Variants in EPB41L4A observed in about 807,000 individuals in gnomAD.
EPB41L4A encodes erythrocyte membrane protein band 4.1 like 4A.
EPB41L4A carries 100 observed loss-of-function variants against 108.6 expected under a neutral mutation model. The observed-to-expected ratio is 0.92, with a 90% CI of 0.78 to 1.09. The LOEUF is 1.09. EPB41L4A is among the 50% of genes least tolerant of loss of function. EPB41L4A has a pLI of 0.00. For missense variants in EPB41L4A, 1,030 were observed against 842.7 expected (o/e 1.22, Z -2.75); for synonymous variants, 319 against 289.0 (o/e 1.10, Z -1.05).
chr5:112,399,550 C>T (rs887022116), intron 1 of EPB41L4A, among the ~76,000 whole-genome samples: 3 of 151,994 alleles, frequency 2.0e-5, no homozygotes, highest in Admixed American at 2.0e-4. Flanking sequence ...ATCTTTTTTT[C>T]TCTACTCCAC....
At chr5:112,267,148 G>A (rs1751921419) in intron 4 of EPB41L4A, among the ~76,000 whole-genome samples, 2 of 152,036 alleles carry the variant, frequency 1.3e-5, no homozygotes, top group Non-Finnish European at 1.5e-5. Context: ...ACTGAGAGGG[G>A]CCAGAGGTTT....
At chr5:112,379,757 G>A (rs966083949) in intron 1 of EPB41L4A, among the ~76,000 whole-genome samples, 6 of 152,140 alleles carry the variant, frequency 3.9e-5, no homozygotes, top group South Asian at 2.1e-4. Context: ...TTACCCGAAG[G>A]CACAATACAT....
intron 17 of EPB41L4A, 75 bp downstream of exon 17, chr5:112,194,493 A>C (rs1761862508): frequency 1.2e-6 from 1 of 816,990 alleles, no homozygotes; most frequent in Non-Finnish European, 1.9e-6. Flanking sequence ...AGACTTACAA[A>C]GGACACTCAG....
chr5:112,296,096 T>TG (rs1279704813), intron 2 of EPB41L4A, among the ~76,000 whole-genome samples: 32 of 152,198 alleles, frequency 2.1e-4, no homozygotes, highest in Admixed American at 2.1e-3. Context: ...AGTTTTATGT[T>TG]GGAGACTTTC....
rs113558417 is a variant in EPB41L4A at position 112,392,004 on chromosome 5, G to A, written c.99+26937C>T. On this transcript the variant is annotated intron_variant, in intron 1 of 22. Coordinates refer to ENST00000261486, the MANE Select transcript of EPB41L4A (RefSeq NM_022140.5). ...TTCATAAGTGATAGAGAAATAAATC[G>A]TTTACAGACAAGCAAATGCTGAGAG... Among the ~76,000 whole-genome samples, 798 of 152,040 alleles carry A rather than the reference G, an allele frequency of 5.2e-3. 3 individuals carry two copies. The highest frequency in any genetic ancestry group is 0.018 in the African/African-American group (737 of 41,444).
At chr5:112,171,524 T>C (rs992614525) in intron 18 of EPB41L4A, among the ~76,000 whole-genome samples, 1 of 152,272 alleles carries the variant, frequency 6.6e-6, no homozygotes, top group Non-Finnish European at 1.5e-5. Context: ...GGCCAGCAAA[T>C]GCTAGGACTA....
intron 18 of EPB41L4A, among the ~76,000 whole-genome samples, chr5:112,171,887 A>G (rs1486492663): frequency 6.6e-6 from 1 of 152,196 alleles, no homozygotes; most frequent in African/African-American, 2.4e-5. Flanking sequence ...GATCCTATGG[A>G]ATTGTATGTG....
chr5:112,365,777 C>T (rs1419195599), intron 1 of EPB41L4A, among the ~76,000 whole-genome samples: 1 of 152,144 alleles, frequency 6.6e-6, no homozygotes, highest in Non-Finnish European at 1.5e-5. Flanking sequence ...TTACACTTCC[C>T]TTGAGTTTGA....
chr5:112,280,506 T>C (rs1396614844), intron 2 of EPB41L4A, among the ~76,000 whole-genome samples, 183 bp from the exon 3 acceptor site: 77 of 151,864 alleles, frequency 5.1e-4, no homozygotes, highest in Admixed American at 4.9e-3. Context: ...AAAGAAAAAA[T>C]AGGCCAGGCA....
At chr5:112,171,735 T>G (rs1358958014) in intron 18 of EPB41L4A, among the ~76,000 whole-genome samples, 1 of 152,260 alleles carries the variant, frequency 6.6e-6, no homozygotes, top group Non-Finnish European at 1.5e-5. Context: ...TAGCAATGAA[T>G]GCAGTGAAAT....
At chr5:112,197,949 C>A (rs1032949932) in intron 15 of EPB41L4A, among the ~76,000 whole-genome samples, 2 of 152,188 alleles carry the variant, frequency 1.3e-5, no homozygotes, top group Non-Finnish European at 2.9e-5. Flanking sequence ...GGCATAGACT[C>A]CTAAACTGAA....
intron 22 of EPB41L4A, among the ~76,000 whole-genome samples, chr5:112,167,335 AC>A (rs1355225154): frequency 2.0e-5 from 3 of 152,210 alleles, no homozygotes; most frequent in Non-Finnish European, 2.9e-5. Context: ...TTGAAAAAGT[AC>A]TGTCAACTTT....
At chr5:112,359,872 T>C (rs1758609099) in intron 1 of EPB41L4A, among the ~76,000 whole-genome samples, 1 of 152,294 alleles carries the variant, frequency 6.6e-6, no homozygotes, top group Middle Eastern at 3.4e-3. Flanking sequence ...TAAAGGTAAG[T>C]TATCTATTAC....
Position 112,308,816 on chromosome 5 carries a change from T to C in EPB41L4A, c.100-1326A>G, listed in dbSNP as rs564953682. Among the ~76,000 whole-genome samples the C allele has an allele frequency of 6.6e-5, 10 of 151,878 alleles. No homozygotes were observed. In the South Asian group the frequency reaches 1.2e-3, roughly 19 times the overall value. On this transcript the variant is annotated intron_variant, in intron 1 of 22. Transcript: ENST00000261486. ...CTGCCAAAAAGACCATTACAATTCA[T>C]TTGATGAGAGTATATGTTTTCCCCG...
intron 1 of EPB41L4A, among the ~76,000 whole-genome samples, chr5:112,359,759 C>G (rs952448926): frequency 6.6e-6 from 1 of 152,164 alleles, no homozygotes; most frequent in African/African-American, 2.4e-5. Context: ...CCAGGATGGT[C>G]TCCATCTCCT....
At chr5:112,215,762 C>CAAAAAAAAAAAAAAAAAAAAAA (rs374126290) in intron 12 of EPB41L4A, among the ~76,000 whole-genome samples, 3 of 101,336 alleles carry the variant, frequency 3.0e-5, no homozygotes, top group Admixed American at 2.4e-4. Flanking sequence ...GACTCCATCT[C>CAAAAAAAAAAAAAAAAAAAAAA]AAAAAAAAAA....
intron 12 of EPB41L4A, among the ~76,000 whole-genome samples, chr5:112,222,849 T>C (rs1326015682): frequency 6.6e-6 from 1 of 152,030 alleles, no homozygotes; most frequent in African/African-American, 2.4e-5. Context: ...CAGAGGGCTC[T>C]TCCTCCACCC....
intron 11 of EPB41L4A, among the ~76,000 whole-genome samples, chr5:112,236,902 C>A (rs969874663): frequency 2.6e-5 from 4 of 152,198 alleles, no homozygotes; most frequent in Non-Finnish European, 5.9e-5. Context: ...TAAAGCTGCA[C>A]ATGTGAAAGC....
In EPB41L4A at chr5:112,240,220, T is replaced by G. The variant is rs567219363; in HGVS notation, c.888-483A>C. 6.7e-4 allele frequency among the ~76,000 whole-genome samples: 102 copies of G among 152,304 alleles called. 2 individuals are homozygous for G. The highest frequency in any genetic ancestry group is 2.4e-3 in the African/African-American group (98 of 41,570). Reference sequence around the variant, plus strand: ...CGGGAGGGCCACCAAGCTCAGTCCTTGGAGTTCTGCTTCTCTCTCCACTGT... The same window carrying G: ...CGGGAGGGCCACCAAGCTCAGTCCTGGGAGTTCTGCTTCTCTCTCCACTGT... On this transcript the variant is annotated intron_variant, in intron 10 of 22. Coordinates refer to ENST00000261486, the MANE Select transcript of EPB41L4A (RefSeq NM_022140.5).
Sources: gnomAD v4.1 joint callset for allele counts (sites outside exome capture counted in the v4.1 genomes callset) on GRCh38, gnomAD v4.1.1 for gene constraint, MANE v1.5 for transcripts, NCBI Gene and HGNC (gene_info 2026-07-23, HGNC 2026-07-21) for gene names.